Variants in TTLL5 observed in about 807,000 individuals in gnomAD.
The protein encoded by TTLL5 is tubulin polyglutamylase TTLL5.
A neutral mutation model predicts 168.4 loss-of-function variants in TTLL5; 132 were observed. The ratio of observed to expected loss-of-function variants is 0.78; its 90% CI spans 0.68 to 0.91. The LOEUF (loss-of-function observed/expected upper bound fraction) is 0.91, where lower values mean the gene tolerates loss of function less well. Ranked by LOEUF, TTLL5 falls within the 40% of genes least tolerant of loss-of-function variation. The probability of loss-of-function intolerance (pLI) is 0.00; values close to 1 mark genes in which losing one functional copy is unlikely to be tolerated. For missense variants in TTLL5, 1,545 were observed against 1,581.5 expected, an observed-to-expected ratio of 0.98 and a Z score of 0.39; for synonymous variants, 546 against 558.6, an observed-to-expected ratio of 0.98 and a Z score of 0.32.
chr14:75,785,060 A>G (rs1186401086), intron 26 of TTLL5, among the ~76,000 whole-genome samples: 1 of 152,034 alleles, frequency 6.6e-6, no homozygotes, highest in East Asian at 1.9e-4. Flanking sequence ...CTTGAAGCAC[A>G]AAAGTTTTAG....
At chr14:75,811,567 T>G (rs1173923952) in intron 27 of TTLL5, among the ~76,000 whole-genome samples, 1 of 152,204 alleles carries the variant, frequency 6.6e-6, no homozygotes, top group African/African-American at 2.4e-5. Context: ...TTGTCTGGCC[T>G]AGTAATTATA....
chr14:75,752,439 A>T (rs1432016421), intron 17 of TTLL5, among the ~76,000 whole-genome samples: 1 of 152,370 alleles, frequency 6.6e-6, no homozygotes, highest in Non-Finnish European at 1.5e-5. Context: ...CTTAAGCAGT[A>T]GACATCGAGG....
chr14:75,927,037 G>A (rs1407971125), intron 31 of TTLL5, among the ~76,000 whole-genome samples: 1 of 152,174 alleles, frequency 6.6e-6, no homozygotes, highest in Non-Finnish European at 1.5e-5. Flanking sequence ...TTTCTTTTTG[G>A]AGTAATGAAA....
At chr14:75,900,546 G>A (rs1033322067) in intron 30 of TTLL5, among the ~76,000 whole-genome samples, 5 of 152,146 alleles carry the variant, frequency 3.3e-5, no homozygotes, top group Admixed American at 2.0e-4. Context: ...CTGGAAAGCT[G>A]TGTGATTAAC....
At chr14:75,940,162 C>T (rs2034556106) in intron 31 of TTLL5, among the ~76,000 whole-genome samples, 1 of 148,892 alleles carries the variant, frequency 6.7e-6, no homozygotes, top group Admixed American at 6.7e-5. Flanking sequence ...TCACTGCAAG[C>T]TCCGCCTCCC....
At chr14:75,945,217 A>G (rs111480993) in intron 31 of TTLL5, among the ~76,000 whole-genome samples, 1 of 147,828 alleles carries the variant, frequency 6.8e-6, no homozygotes, top group African/African-American at 2.5e-5. Flanking sequence ...TATTACATAT[A>G]TTATTTTATA....
chr14:75,871,349 T>C (rs890478290), intron 29 of TTLL5, among the ~76,000 whole-genome samples: 1 of 152,094 alleles, frequency 6.6e-6, no homozygotes, highest in African/African-American at 2.4e-5. Context: ...TTCAAAGAGT[T>C]TGGGTAACTT....
Position 75,709,222 on chromosome 14 carries a change from C to G in TTLL5, c.740+1515C>G, listed in dbSNP as rs1981898. ...GGGAAATACCATGGATAAAAGAAGG[C>G]TACCTATTTATGTACAGGTGCTTTG... On this transcript the variant is annotated intron_variant, in intron 9 of 31. Coordinates refer to ENST00000298832, the MANE Select transcript of TTLL5 (RefSeq NM_015072.5). The G allele has an allele frequency of 4.0e-6, 3 of 754,610 alleles. No individual in the cohort carries two copies. In the African/African-American group the frequency reaches 5.1e-5, roughly 13 times the overall value. 46.7% of individuals were successfully genotyped at this position (754,610 alleles called of 1,614,324 possible).
chr14:75,925,610 G>A (rs2034021885), intron 31 of TTLL5, among the ~76,000 whole-genome samples: 1 of 151,944 alleles, frequency 6.6e-6, no homozygotes, highest in African/African-American at 2.4e-5. Flanking sequence ...CAGACGATGG[G>A]CGGCCAGGCA....
At chr14:75,772,917 T>G (rs1338453663) in intron 21 of TTLL5, among the ~76,000 whole-genome samples, 2 of 152,160 alleles carry the variant, frequency 1.3e-5, no homozygotes, top group African/African-American at 4.8e-5. Flanking sequence ...TCCACCCTCC[T>G]TGGCCTCCCA....
chr14:75,914,442 C>G (rs2033525747), intron 31 of TTLL5, among the ~76,000 whole-genome samples: 1 of 151,898 alleles, frequency 6.6e-6, no homozygotes, highest in South Asian at 2.1e-4. Flanking sequence ...AGTCAAATGC[C>G]TAACCTCAGA....
chr14:75,831,157 A>G (rs1895538714), intron 28 of TTLL5, among the ~76,000 whole-genome samples: 1 of 152,222 alleles, frequency 6.6e-6, no homozygotes, highest in Non-Finnish European at 1.5e-5. Flanking sequence ...TAAAGACTCA[A>G]ACTTGGTTAG....
intron 6 of TTLL5, among the ~76,000 whole-genome samples, chr14:75,690,822 G>C (rs1392562365): frequency 6.6e-6 from 1 of 152,040 alleles, no homozygotes; most frequent in Non-Finnish European, 1.5e-5. Flanking sequence ...ATCTCGCTCT[G>C]TTGCCTGGGC....
intron 27 of TTLL5, among the ~76,000 whole-genome samples, chr14:75,802,719 G>C (rs1595065307): frequency 6.6e-6 from 1 of 152,188 alleles, no homozygotes; most frequent in Non-Finnish European, 1.5e-5. Context: ...CTCTTGTAAT[G>C]GTGGCAGCTA....
At chr14:75,697,395 C>T (rs1885948993) in intron 6 of TTLL5, among the ~76,000 whole-genome samples, 1 of 152,156 alleles carries the variant, frequency 6.6e-6, no homozygotes, top group African/African-American at 2.4e-5. Flanking sequence ...GGTAGAATTG[C>T]TCACAGAGTT....
At chr14:75,761,330 A>T (rs2140290695) in intron 18 of TTLL5, among the ~76,000 whole-genome samples, 1 of 67,468 alleles carries the variant, frequency 1.5e-5, no homozygotes, top group African/African-American at 6.2e-5. Context: ...GTTTGTTAGA[A>T]ATATACAAAT....
At chr14:75,821,192 T>C (rs1193084282) in intron 28 of TTLL5, among the ~76,000 whole-genome samples, 2 of 152,198 alleles carry the variant, frequency 1.3e-5, no homozygotes, top group Non-Finnish European at 2.9e-5. Flanking sequence ...AGCATAGATA[T>C]AAGCACATTA....
intron 18 of TTLL5, among the ~76,000 whole-genome samples, chr14:75,758,872 A>G (rs950059477): frequency 3.9e-5 from 6 of 152,198 alleles, no homozygotes; most frequent in African/African-American, 1.2e-4. Flanking sequence ...TATGTACGCT[A>G]CAGCTAAAGT....
chr14:75,751,095 G>A (rs1889918796), intron 17 of TTLL5, among the ~76,000 whole-genome samples: 1 of 152,142 alleles, frequency 6.6e-6, no homozygotes, highest in Non-Finnish European at 1.5e-5. Flanking sequence ...TATGGGCTCA[G>A]TGCTTTCTGG....
Sources: gnomAD v4.1 joint callset for allele counts (sites outside exome capture counted in the v4.1 genomes callset) on GRCh38, gnomAD v4.1.1 for gene constraint, MANE v1.5 for transcripts, NCBI Gene and HGNC (gene_info 2026-07-23, HGNC 2026-07-21) for gene names.